Variants in FSTL4 observed in about 807,000 individuals in gnomAD.
FSTL4 encodes the protein follistatin like 4.
In FSTL4, 28 loss-of-function variants were observed where a neutral mutation model predicts 78.2. That is an observed-to-expected ratio of 0.36 (90% confidence interval 0.27 to 0.49). The LOEUF (loss-of-function observed/expected upper bound fraction) is 0.49. Among genes scored for constraint, FSTL4 ranks in the 20% least tolerant of loss-of-function variants. The pLI, the probability that FSTL4 is intolerant of heterozygous loss-of-function variation, is 0.98. For synonymous variants in FSTL4, 422 were observed against 440.5 expected, an observed-to-expected ratio of 0.96 and a Z score of 0.53; for missense variants, 922 against 1,084.9, an observed-to-expected ratio of 0.85 and a Z score of 2.11.
intron 3 of FSTL4, among the ~76,000 whole-genome samples, chr5:133,516,082 T>C (rs1359149058): frequency 2.0e-5 from 3 of 152,170 alleles, no homozygotes; most frequent in Non-Finnish European, 4.4e-5. Flanking sequence ...GGAGGACTTA[T>C]TCTAAGAGTT....
Position 133,206,786 on chromosome 5 carries a change from G to A in FSTL4, c.1716+3405C>T, listed in dbSNP as rs781094101. Among the ~76,000 whole-genome samples the A allele has an allele frequency of 2.0e-5, 3 of 151,278 alleles. No homozygotes were observed. In the East Asian group the frequency reaches 5.8e-4, roughly 29 times the overall value. Reference sequence around the variant, plus strand: ...GTGAAGGATTCATCTTTTTTGTTTTGCTTTCTATTAATTTTAGTCTCTATT... The same window carrying A: ...GTGAAGGATTCATCTTTTTTGTTTTACTTTCTATTAATTTTAGTCTCTATT... On this transcript the variant is annotated intron_variant, in intron 14 of 15. Coordinates refer to ENST00000265342, the MANE Select transcript of FSTL4 (RefSeq NM_015082.2).
At chr5:133,696,632 G>C in the FSTL4 span, among the ~76,000 whole-genome samples, 1 of 152,212 alleles carries the variant, frequency 6.6e-6, no homozygotes, top group Non-Finnish European at 1.5e-5. Flanking sequence ...AGTATCTGTT[G>C]AGTGAATAAC....
intron 3 of FSTL4, among the ~76,000 whole-genome samples, chr5:133,505,201 CCTCT>C (rs1051977137): frequency 1.3e-5 from 2 of 151,484 alleles, no homozygotes; most frequent in Non-Finnish European, 2.9e-5. Context: ...TTTTTGCCTT[CCTCT>C]CTCTCTCTAT....
At chr5:133,434,584 T>A (rs1255760517) in intron 3 of FSTL4, among the ~76,000 whole-genome samples, 2 of 152,170 alleles carry the variant, frequency 1.3e-5, no homozygotes, top group Non-Finnish European at 2.9e-5. Flanking sequence ...TCCCTGAACA[T>A]AAATCTTTAG....
At chr5:133,455,101 T>C (rs1390140222) in intron 3 of FSTL4, among the ~76,000 whole-genome samples, 2 of 152,188 alleles carry the variant, frequency 1.3e-5, no homozygotes, top group African/African-American at 4.8e-5. Context: ...GGTAGAGAGA[T>C]GAGGGAGACG....
chr5:133,474,547 AG>A (rs1394626268), intron 3 of FSTL4, among the ~76,000 whole-genome samples: 1 of 152,234 alleles, frequency 6.6e-6, no homozygotes, highest in African/African-American at 2.4e-5. Flanking sequence ...TCTGTGCTCA[AG>A]GATGGGCAAA....
chr5:133,448,764 T>C (rs1453776229), intron 3 of FSTL4, among the ~76,000 whole-genome samples: 1 of 151,340 alleles, frequency 6.6e-6, no homozygotes, highest in African/African-American at 2.4e-5. Context: ...CTCAGAATTT[T>C]CCGCCTTTTG....
intron 6 of FSTL4, among the ~76,000 whole-genome samples, chr5:133,300,519 G>T (rs1753510506): frequency 6.6e-6 from 1 of 152,162 alleles, no homozygotes; most frequent in Non-Finnish European, 1.5e-5. Flanking sequence ...CAGTTGGCCT[G>T]GACAGTATTC....
rs113107846 is a variant in FSTL4, at chr5:133,288,165, T to C, written c.727+24489A>G. Among the ~76,000 whole-genome samples the C allele has an allele frequency of 6.6e-3, 1,011 of 152,354 alleles. 7 individuals carry two copies. The highest frequency in any genetic ancestry group is 0.023 in the African/African-American group (961 of 41,590). On this transcript the variant is annotated intron_variant, in intron 6 of 15. Transcript: ENST00000265342. Reference sequence around the variant, plus strand: ...AATTATTATTTTAAAAAATGATTAATGTATTTTGAGTATTCCAGCCCCACC... The same window carrying C: ...AATTATTATTTTAAAAAATGATTAACGTATTTTGAGTATTCCAGCCCCACC...
intron 3 of FSTL4, among the ~76,000 whole-genome samples, chr5:133,427,950 G>A (rs1756862246): frequency 6.6e-6 from 1 of 152,162 alleles, no homozygotes; most frequent in South Asian, 2.1e-4. Context: ...TGGAGCTGGG[G>A]AGGCAGCTAT....
At chr5:133,449,201 G>A (rs992012414) in intron 3 of FSTL4, among the ~76,000 whole-genome samples, 3 of 152,144 alleles carry the variant, frequency 2.0e-5, no homozygotes, top group Non-Finnish European at 2.9e-5. Context: ...GGGTAGGGTG[G>A]CCTCGCCCTG....
the FSTL4 span, among the ~76,000 whole-genome samples, chr5:133,795,622 CG>C: frequency 0.45 from 67,972 of 152,072 alleles, 17,630 homozygotes; most frequent in Middle Eastern, 0.67. Flanking sequence ...CAGAATGGGA[CG>C]TTTTCCAGGA....
intron 3 of FSTL4, among the ~76,000 whole-genome samples, chr5:133,408,068 C>T: frequency 6.6e-6 from 1 of 152,158 alleles, no homozygotes; most frequent in Admixed American, 6.5e-5. Context: ...GAACCATGTG[C>T]ATTTTTACTG....
intron 3 of FSTL4, among the ~76,000 whole-genome samples, chr5:133,464,396 A>G (rs999729671): frequency 2.0e-5 from 3 of 152,130 alleles, no homozygotes; most frequent in African/African-American, 7.2e-5. Flanking sequence ...CCCCCACACC[A>G]CCAAATACCC....
chr5:133,339,386 T>A (rs183422476), intron 4 of FSTL4, among the ~76,000 whole-genome samples: 2 of 152,164 alleles, frequency 1.3e-5, no homozygotes, highest in Non-Finnish European at 2.9e-5. Context: ...GGGCTTTGGG[T>A]CTTAGCTGGC....
At chr5:133,622,847 C>G in the FSTL4 span, among the ~76,000 whole-genome samples, 1 of 152,230 alleles carries the variant, frequency 6.6e-6, no homozygotes, top group East Asian at 1.9e-4. Flanking sequence ...CCTCCAGTCT[C>G]TAGCTTGTTT....
chr5:133,206,701 A>G (rs1362607450), intron 14 of FSTL4, among the ~76,000 whole-genome samples: 3 of 151,980 alleles, frequency 2.0e-5, no homozygotes, highest in Non-Finnish European at 4.4e-5. Flanking sequence ...TCTGGAATAA[A>G]ATTCCCTTTC....
At chr5:133,474,763 A>C (rs930225215) in intron 3 of FSTL4, among the ~76,000 whole-genome samples, 3 of 152,216 alleles carry the variant, frequency 2.0e-5, no homozygotes, top group Non-Finnish European at 2.9e-5. Context: ...CTCTTAAATT[A>C]TCTCTCCTCT....
chr5:133,742,938 C>T, the FSTL4 span, among the ~76,000 whole-genome samples: 11 of 152,098 alleles, frequency 7.2e-5, no homozygotes, highest in African/African-American at 2.7e-4. Flanking sequence ...GTCATCCCGC[C>T]GGAAAGTCAT....
Sources: gnomAD v4.1 joint callset for allele counts (sites outside exome capture counted in the v4.1 genomes callset) on GRCh38, gnomAD v4.1.1 for gene constraint, MANE v1.5 for transcripts, NCBI Gene and HGNC (gene_info 2026-07-23, HGNC 2026-07-21) for gene names.